ADAMTS16: variants seen among roughly 807,000 people sequenced by gnomAD.
The protein encoded by ADAMTS16 is ADAM metallopeptidase with thrombospondin type 1 motif 16.
In ADAMTS16, 94 loss-of-function variants were observed where a neutral mutation model predicts 145.8. That is an observed-to-expected ratio of 0.64 (90% CI 0.55 to 0.77). The LOEUF is 0.77. Ranked by LOEUF, ADAMTS16 falls within the 30% of genes least tolerant of loss-of-function variation. The pLI is 0.00. For missense variants in ADAMTS16, 1,585 were observed against 1,591.5 expected (o/e 1.00, Z 0.07); for synonymous variants, 659 against 604.3 (o/e 1.09, Z -1.33).
Position 5,303,689 on chromosome 5 carries a change from A to G in ADAMTS16, c.3109A>G (p.Arg1037Gly). 3 of 1,613,800 alleles carry G rather than the reference A, an allele frequency of 1.9e-6. No homozygotes were observed. The highest frequency in any genetic ancestry group is 2.5e-6 in the Non-Finnish European group (3 of 1,180,026). Reference sequence around the variant, plus strand: ...TGTCTGCACCTCCGAGCCCAAGCCCAGGATGCATGAAGCCTGTCTGCTTCA... The same window carrying G: ...TGTCTGCACCTCCGAGCCCAAGCCCGGGATGCATGAAGCCTGTCTGCTTCA... The part of the protein sequence containing the change: ...DAVCTSEPKP[R>G]MHEACLLQRC... Residue 1037 changes from arginine to glycine, a missense_variant, in exon 20 of 23, where the codon AGG (arginine) becomes GGG (glycine). Arg to Gly is a moderately radical substitution (Grantham distance 125). Transcript: ENST00000274181.
intron 17 of ADAMTS16, among the ~76,000 whole-genome samples, chr5:5,244,020 C>T (rs955930066): frequency 8.5e-5 from 13 of 152,122 alleles, no homozygotes; most frequent in African/African-American, 2.7e-4. Flanking sequence ...CAGTGGAAAA[C>T]GGGGATTCTC....
chr5:5,200,119 C>T lies in ADAMTS16; in HGVS notation c.1314-13C>T, dbSNP rs994790690. ...TTCTGAAAGAACCATCTCTCTCTCT[C>T]TCTCTCTCATAGCTTTGGCATGATT... On this transcript the variant is annotated splice_polypyrimidine_tract_variant and intron_variant, in intron 8 of 22. Transcript: ENST00000274181. 1 of 1,594,582 alleles carries T rather than the reference C, an allele frequency of 6.3e-7. No homozygotes were observed. The highest frequency in any genetic ancestry group is 8.6e-7 in the Non-Finnish European group (1 of 1,169,588).
At chr5:5,155,708 A>G (rs566071771) in intron 3 of ADAMTS16, among the ~76,000 whole-genome samples, 1 of 152,304 alleles carries the variant, frequency 6.6e-6, no homozygotes, top group South Asian at 2.1e-4. Context: ...ATGATCTGCC[A>G]CAGCAAGGGT....
intron 11 of ADAMTS16, chr5:5,223,670 C>G (rs969088442): frequency 6.6e-6 from 1 of 152,002 alleles, no homozygotes; most frequent in African/African-American, 2.4e-5. Flanking sequence ...TACAAGATAA[C>G]AAGTTTATTA....
chr5:5,238,787 G>A (rs1285493878), intron 14 of ADAMTS16, among the ~76,000 whole-genome samples: 2 of 152,132 alleles, frequency 1.3e-5, no homozygotes, highest in East Asian at 1.9e-4. Context: ...GCCCACAATG[G>A]CATATTTTGT....
intron 18 of ADAMTS16, among the ~76,000 whole-genome samples, chr5:5,276,747 T>C (rs894077718): frequency 1.3e-5 from 2 of 152,118 alleles, no homozygotes; most frequent in African/African-American, 4.8e-5. Context: ...GCCAGGACTG[T>C]TGAGCCCAGA....
chr5:5,212,196 TTTGTTTTGTTTTG>T (rs1736290050), intron 10 of ADAMTS16, among the ~76,000 whole-genome samples: 1 of 105,836 alleles, frequency 9.4e-6, no homozygotes. Context: ...TGGGGTTTTT[TTTGTTTTGTTTTG>T]TTTTGTTTTT....
chr5:5,232,254 A>G, intron 11 of ADAMTS16, 114 bp from the exon 12 acceptor site: 1 of 1,210,296 alleles, frequency 8.3e-7, no homozygotes, highest in Non-Finnish European at 1.2e-6. Flanking sequence ...GGGGGAGGCT[A>G]ATGTCTGCAT....
chr5:5,239,421 C>T, intron 15 of ADAMTS16, 147 bp downstream of exon 15: 2 of 1,287,308 alleles, frequency 1.6e-6, no homozygotes, highest in East Asian at 2.4e-5. Flanking sequence ...CTTCTCGAGC[C>T]TCTTGCTTTG....
chr5:5,178,023 A>G (rs1162782849), intron 3 of ADAMTS16, among the ~76,000 whole-genome samples: 4 of 152,210 alleles, frequency 2.6e-5, no homozygotes, highest in African/African-American at 7.2e-5. Flanking sequence ...AGCAGTTTCT[A>G]TGAATCTCAG....
Position 5,235,168 on chromosome 5 carries a change from C to A in ADAMTS16, c.2005C>A (p.Pro669Thr). The A allele has an allele frequency of 6.3e-7, 1 of 1,575,666 alleles. No homozygotes were observed. The highest frequency in any genetic ancestry group is 8.7e-7 in the Non-Finnish European group (1 of 1,150,936). ...RFRGRHYKWK[P>T]YTQVEDQDLC... is the part of the protein sequence containing the mutation. ...CAGAGGGCGGCACTACAAGTGGAAG[C>A]CTTACACTCAAGTAGAAGGTAAATC... Residue 669 changes from proline to threonine, a missense_variant, in exon 13 of 23, where the codon CCT becomes ACT. Physicochemically the swap from Pro to Thr is conservative, Grantham distance 38 (BLOSUM62 -1). Coordinates refer to ENST00000274181, the MANE Select transcript of ADAMTS16 (RefSeq NM_139056.4).
intron 16 of ADAMTS16, among the ~76,000 whole-genome samples, chr5:5,240,747 C>G (rs1737262425): frequency 6.6e-6 from 1 of 152,160 alleles, no homozygotes; most frequent in African/African-American, 2.4e-5. Context: ...GATGGAGCAG[C>G]TGCTGCATCT....
At chr5:5,156,627 G>A (rs1734611707) in intron 3 of ADAMTS16, among the ~76,000 whole-genome samples, 1 of 152,248 alleles carries the variant, frequency 6.6e-6, no homozygotes. Flanking sequence ...TTACTGCTTT[G>A]ATTAAAATTA....
In ADAMTS16 at chr5:5,200,205, G is replaced by A. The variant is rs1735918555; in HGVS notation, c.1387G>A (p.Ala463Thr). The part of the protein sequence containing the change: ...SEGNIMSPTL[A>T]GRNGVFSWSP... ...GGGCAACATCATGTCCCCTACATTG[G>A]CAGGACGCAATGGAGTCTTCTCCTG... The change falls in exon 9 of 23, where the codon GCA (alanine) becomes ACA (threonine). Residue 463 changes from alanine to threonine, a missense_variant. Coordinates refer to ENST00000274181, the MANE Select transcript of ADAMTS16 (RefSeq NM_139056.4). The A allele has an allele frequency of 4.3e-6, 7 of 1,613,878 alleles. No individual in the cohort carries two copies. The highest frequency in any genetic ancestry group is 5.9e-6 in the Non-Finnish European group (7 of 1,180,002).
At chr5:5,202,577 T>A (rs1184812907) in intron 9 of ADAMTS16, among the ~76,000 whole-genome samples, 2 of 152,182 alleles carry the variant, frequency 1.3e-5, no homozygotes, top group Non-Finnish European at 2.9e-5. Flanking sequence ...CTACTCTGGG[T>A]AACAAGGAAG....
intron 17 of ADAMTS16, among the ~76,000 whole-genome samples, chr5:5,261,546 G>T (rs1738028060): frequency 1.4e-5 from 2 of 147,798 alleles, no homozygotes; most frequent in Admixed American, 1.4e-4. Flanking sequence ...GAGTGCAGTG[G>T]CACAATCTCT....
chr5:5,191,899 A>C (rs1023422312), intron 8 of ADAMTS16, 109 bp downstream of exon 8: 1 of 758,220 alleles, frequency 1.3e-6, no homozygotes. Context: ...ATTCACATAT[A>C]TCCAACGAGA....
chr5:5,230,272 T>C (rs1216317613), intron 11 of ADAMTS16, among the ~76,000 whole-genome samples: 1 of 152,166 alleles, frequency 6.6e-6, no homozygotes, highest in Non-Finnish European at 1.5e-5. Flanking sequence ...ATGAGAAGCA[T>C]GTCAGCTGAA....
At chr5:5,147,775 G>T (rs1401549089) in intron 3 of ADAMTS16, among the ~76,000 whole-genome samples, 4 of 152,318 alleles carry the variant, frequency 2.6e-5, no homozygotes, top group Middle Eastern at 3.4e-3. Flanking sequence ...TTTCACAAGG[G>T]CTTAAGCCAG....
Sources: allele counts gnomAD v4.1 joint callset (sites outside exome capture counted in the v4.1 genomes callset), GRCh38; gene constraint gnomAD v4.1.1; transcripts MANE v1.5; gene names NCBI Gene and HGNC (gene_info 2026-07-23, HGNC 2026-07-21).